SLC36A1: variants seen among roughly 807,000 people sequenced by gnomAD.
SLC36A1 encodes solute carrier family 36 member 1.
In SLC36A1, 30 loss-of-function variants were observed where a neutral mutation model predicts 47.5. The observed-to-expected ratio is 0.63, with a 90% CI of 0.47 to 0.86. The LOEUF is 0.86. Among genes scored for constraint, SLC36A1 ranks in the 40% least tolerant of loss-of-function variants. SLC36A1 has a pLI of 0.00. For synonymous variants in SLC36A1, 255 were observed against 249.7 expected, an observed-to-expected ratio of 1.02 and a Z score of -0.20; for missense variants, 517 against 606.0, an observed-to-expected ratio of 0.85 and a Z score of 1.54.
chr5:151,374,911 T>G, the SLC36A1 span, among the ~76,000 whole-genome samples: 3 of 43,548 alleles, frequency 6.9e-5, no homozygotes, highest in South Asian at 6.6e-4. Context: ...ATGTTGGGGT[T>G]TTTTTTTTTT....
chr5:151,345,998 A>C, the SLC36A1 span, among the ~76,000 whole-genome samples: 1 of 152,172 alleles, frequency 6.6e-6, no homozygotes, highest in Non-Finnish European at 1.5e-5. Flanking sequence ...GCTAAGTGGG[A>C]ATTCGAGTCT....
the SLC36A1 span, chr5:151,551,316 A>AAGT: frequency 1.3e-6 from 1 of 791,352 alleles, no homozygotes; most frequent in Non-Finnish European, 2.0e-6. Context: ...AGGATCACAG[A>AAGT]AGTAGAGAGT....
At chr5:151,486,879 G>T (rs1759638953) in intron 10 of SLC36A1, among the ~76,000 whole-genome samples, 1 of 152,198 alleles carries the variant, frequency 6.6e-6, no homozygotes, top group African/African-American at 2.4e-5. Context: ...TGGCCAAAAA[G>T]ATGAGTACTA....
At chr5:151,362,145 A>G in the SLC36A1 span, among the ~76,000 whole-genome samples, 1 of 152,190 alleles carries the variant, frequency 6.6e-6, no homozygotes, top group East Asian at 1.9e-4. Flanking sequence ...TTATTTTTTA[A>G]TAAGCTTTCT....
chr5:151,553,432 C>G, the SLC36A1 span: 87 of 1,568,280 alleles, frequency 5.5e-5, no homozygotes, highest in Non-Finnish European at 7.5e-5. Flanking sequence ...GGCCAAGAGA[C>G]AGGAAGACCC....
intron 2 of SLC36A1, among the ~76,000 whole-genome samples, chr5:151,461,157 T>A (rs1755447102): frequency 1.6e-5 from 1 of 60,974 alleles, no homozygotes; most frequent in Non-Finnish European, 2.9e-5. Context: ...TTTTTGTATT[T>A]TTTTTTTTTT....
the SLC36A1 span, among the ~76,000 whole-genome samples, chr5:151,535,443 C>T: frequency 1.7e-3 from 265 of 152,196 alleles, 3 homozygotes; most frequent in African/African-American, 6.0e-3. Context: ...CATAACAACC[C>T]AAGATGACTG....
intron 5 of SLC36A1, among the ~76,000 whole-genome samples, 183 bp from the exon 6 acceptor site, chr5:151,467,016 A>G (rs1285485509): frequency 6.6e-6 from 1 of 152,148 alleles, no homozygotes. Flanking sequence ...CACAATGTAC[A>G]CTGTTTGGGT....
the SLC36A1 span, among the ~76,000 whole-genome samples, chr5:151,541,606 T>A: frequency 6.6e-6 from 1 of 151,922 alleles, no homozygotes; most frequent in East Asian, 1.9e-4. Flanking sequence ...GCCACAGGAG[T>A]GAAGAAACTC....
chr5:151,376,559 T>A, the SLC36A1 span, among the ~76,000 whole-genome samples: 1 of 152,206 alleles, frequency 6.6e-6, no homozygotes, highest in Admixed American at 6.5e-5. Flanking sequence ...GGCATTTAAC[T>A]CTATAAACGT....
At chr5:151,366,908 A>G in the SLC36A1 span, among the ~76,000 whole-genome samples, 1 of 152,222 alleles carries the variant, frequency 6.6e-6, no homozygotes, top group East Asian at 1.9e-4. Context: ...TAAGTCTCAG[A>G]CCAGCAAGTT....
chr5:151,525,145 C>G, the SLC36A1 span, among the ~76,000 whole-genome samples: 4 of 152,168 alleles, frequency 2.6e-5, no homozygotes, highest in African/African-American at 9.7e-5. Context: ...ATGAATACAT[C>G]ATTCCCAGCC....
At chr5:151,399,270 A>T in the SLC36A1 span, among the ~76,000 whole-genome samples, 5 of 151,640 alleles carry the variant, frequency 3.3e-5, no homozygotes, top group African/African-American at 1.2e-4. Flanking sequence ...TATTTTTAGT[A>T]GAGACAGGGT....
At chr5:151,369,833 C>T in the SLC36A1 span, among the ~76,000 whole-genome samples, 2 of 151,230 alleles carry the variant, frequency 1.3e-5, no homozygotes, top group Admixed American at 6.6e-5. Flanking sequence ...CTCCCTCTGT[C>T]ACCCAGGCTG....
At chr5:151,483,526 T>C (rs165362) in intron 10 of SLC36A1, among the ~76,000 whole-genome samples, 1 of 140,756 alleles carries the variant, frequency 7.1e-6, no homozygotes. Flanking sequence ...GTGGGGGGGG[T>C]GATTAGGGGA....
the SLC36A1 span, chr5:151,554,380 T>C: frequency 1.2e-6 from 2 of 1,614,102 alleles, no homozygotes; most frequent in Non-Finnish European, 1.7e-6. Context: ...TGTTGTACTC[T>C]CCAGCTGTAA....
At chr5:151,408,641 C>G in the SLC36A1 span, among the ~76,000 whole-genome samples, 2 of 152,146 alleles carry the variant, frequency 1.3e-5, no homozygotes, top group Non-Finnish European at 2.9e-5. Flanking sequence ...ATTACATACA[C>G]CACCAGAAGC....
At chr5:151,544,005 G>A in the SLC36A1 span, 26 of 1,614,102 alleles carry the variant, frequency 1.6e-5, no homozygotes, top group Non-Finnish European at 2.1e-5. Flanking sequence ...CTGGGGGGTT[G>A]TCATTGATAT....
At chr5:151,351,296 G>A in the SLC36A1 span, among the ~76,000 whole-genome samples, 4 of 151,916 alleles carry the variant, frequency 2.6e-5, no homozygotes, top group African/African-American at 9.7e-5. Flanking sequence ...ACCCAGCCCA[G>A]GTCTTTTGAT....
Sources: allele counts gnomAD v4.1 joint callset (sites outside exome capture counted in the v4.1 genomes callset), GRCh38; gene constraint gnomAD v4.1.1; transcripts MANE v1.5; gene names NCBI Gene and HGNC (gene_info 2026-07-23, HGNC 2026-07-21).